MBTPS1: variants seen among roughly 807,000 people sequenced by gnomAD.
The protein encoded by MBTPS1 is membrane bound transcription factor peptidase, site 1.
Under a neutral mutation model 127.8 loss-of-function variants are expected in MBTPS1, and 94 were observed. The observed-to-expected ratio is 0.74, with a 90% CI of 0.62 to 0.87. The LOEUF is 0.87. MBTPS1 is among the 40% of genes least tolerant of loss of function. MBTPS1 has a pLI of 0.00. For missense variants in MBTPS1, 1,636 were observed against 1,353.2 expected, an observed-to-expected ratio of 1.21 and a Z score of -3.28; for synonymous variants, 632 against 509.4, an observed-to-expected ratio of 1.24 and a Z score of -3.24.
chr16:84,093,972 C>T, intron 4 of MBTPS1, 151 bp from the exon 5 acceptor site: 1 of 641,486 alleles, frequency 1.6e-6, no homozygotes, highest in East Asian at 2.8e-5. Flanking sequence ...AGGTCAGCTG[C>T]TCCCAGGGTC....
At position 84,091,460 on chromosome 16, in the gene MBTPS1, T is replaced by G. The variant is rs1220919348; in HGVS notation, c.963+272A>C. 6.2e-5 allele frequency among the ~76,000 whole-genome samples: 8 copies of G among 128,494 alleles called. No individual in the cohort carries two copies. The East Asian group carries it at 1.8e-3, about 28-fold the overall frequency. The allele number at this position is 128,494 out of a possible 152,430, so 84.3% of individuals were successfully genotyped here. A position where few individuals can be genotyped will look rare whatever the true frequency, so the allele number is the denominator to read the frequency against. On this transcript the variant is annotated intron_variant, in intron 7 of 22. Transcript: ENST00000343411. ...AAGACTGTGCCATTGTACTCCAGCC[T>G]GGCCAACAAGAATAAAACTCCATCT...
intron 8 of MBTPS1, among the ~76,000 whole-genome samples, chr16:84,089,617 T>C (rs1366358757): frequency 1.3e-5 from 2 of 152,210 alleles, no homozygotes; most frequent in South Asian, 2.1e-4. Flanking sequence ...TTCAGTCTCA[T>C]AGGTACTCTG....
In MBTPS1 at chr16:84,095,731, T is replaced by C. The variant is rs759404753; in HGVS notation, c.496A>G (p.Ser166Gly). 1 of 1,614,230 alleles carries C rather than the reference T, an allele frequency of 6.2e-7. No homozygotes were observed. Among genetic ancestry groups the C allele is most frequent in the East Asian group, 2.2e-5 (1 of 44,890 alleles). The change falls in exon 4 of 23, where the codon AGC (serine) becomes GGC (glycine). Residue 166 changes from serine to glycine, a missense_variant. Ser to Gly is a moderately conservative substitution (Grantham distance 56). Transcript: ENST00000343411. ...WQSSRPLRRA[S>G]LSLGSGFWHA... ...CAGAAGCCAGAGCCCAGGGAGAGGC[T>C]GGCTCTTCGCAGGGGACGTGATGAT...
Position 84,114,557 on chromosome 16 carries a change from G to A in MBTPS1, c.-325+2178C>T, listed in dbSNP as rs79570754. On this transcript the variant is annotated intron_variant, in intron 1 of 22. Coordinates refer to ENST00000343411, the MANE Select transcript of MBTPS1 (RefSeq NM_003791.4). ...TTAAAATGCCTTTCCTCAGCTGGGCGCGGTAGCTCACGCCTGTAATCCCAG... is the reference window on the plus strand; with the variant it reads ...TTAAAATGCCTTTCCTCAGCTGGGCACGGTAGCTCACGCCTGTAATCCCAG... Among the ~76,000 whole-genome samples, 4 of 151,988 alleles carry A rather than the reference G, an allele frequency of 2.6e-5. No homozygotes were observed. In the East Asian group the frequency reaches 8.0e-4, roughly 30 times the overall value.
intron 12 of MBTPS1, 97 bp downstream of exon 12, chr16:84,074,500 C>T (rs942075317): frequency 6.8e-6 from 9 of 1,324,218 alleles, no homozygotes; most frequent in African/African-American, 4.4e-5. Flanking sequence ...TAGAACTTTT[C>T]CTTTTTTAAC....
chr16:84,065,792 G>C (rs367787565), intron 17 of MBTPS1, 25 bp from the exon 18 acceptor site: 2 of 1,452,962 alleles, frequency 1.4e-6, no homozygotes, highest in African/African-American at 2.9e-5. Context: ...TCAAAGTCAA[G>C]GGAACACAGG....
At chr16:84,059,004 C>T (rs967288360) in intron 21 of MBTPS1, among the ~76,000 whole-genome samples, 1 of 152,234 alleles carries the variant, frequency 6.6e-6, no homozygotes, top group Non-Finnish European at 1.5e-5. Context: ...ACTCCCCAAC[C>T]ACAGGACTTA....
intron 20 of MBTPS1, 151 bp downstream of exon 20, chr16:84,060,531 G>A (rs191404243): frequency 7.0e-5 from 56 of 803,112 alleles, no homozygotes; most frequent in Non-Finnish European, 1.1e-4. Flanking sequence ...TAGAGCCGCT[G>A]AGTGCTGCTC....
chr16:84,081,645 G>C, intron 11 of MBTPS1, 102 bp downstream of exon 11: 1 of 941,282 alleles, frequency 1.1e-6, no homozygotes, highest in African/African-American at 1.7e-5. Flanking sequence ...TCTGTGCTTA[G>C]TCATCATTTT....
At chr16:84,071,605 A>T (rs2085770362) in intron 12 of MBTPS1, among the ~76,000 whole-genome samples, 1 of 152,216 alleles carries the variant, frequency 6.6e-6, no homozygotes, top group African/African-American at 2.4e-5. Flanking sequence ...TGAAACAATT[A>T]AATATTTAAC....
At chr16:84,080,662 G>A (rs990571042) in intron 11 of MBTPS1, among the ~76,000 whole-genome samples, 12 of 152,230 alleles carry the variant, frequency 7.9e-5, no homozygotes, top group African/African-American at 2.9e-4. Flanking sequence ...GCCCATTCTG[G>A]GGGGACACAG....
chr16:84,070,736 A>G lies in MBTPS1; in HGVS notation c.1634T>C (p.Ile545Thr), dbSNP rs774482473. 17 of 1,613,976 alleles carry G rather than the reference A, an allele frequency of 1.1e-5. No homozygotes were observed. Among genetic ancestry groups the G allele is most frequent in the South Asian group, 8.8e-5 (8 of 91,076 alleles). ...CGAGGAGTAGGAGAAGGCAACTTCA[A>G]TGTTGTCTCCGTTCTGTGGCAAATA... ...QPYLPQNGDN[I>T]EVAFSYSSVL... is the part of the protein sequence containing the mutation. Residue 545 changes from isoleucine (I) to threonine (T), a missense_variant, in exon 13 of 23, where the codon ATT becomes ACT. Coordinates refer to ENST00000343411, the MANE Select transcript of MBTPS1 (RefSeq NM_003791.4).
chr16:84,105,464 G>A (rs572793072), intron 1 of MBTPS1, among the ~76,000 whole-genome samples: 1 of 152,274 alleles, frequency 6.6e-6, no homozygotes, highest in Admixed American at 6.5e-5. Context: ...GCTGTGAAGA[G>A]GCGGCTTCTG....
chr16:84,091,486 CA>C (rs10714716), intron 7 of MBTPS1, among the ~76,000 whole-genome samples: 48,359 of 85,588 alleles, frequency 0.57, 11,904 homozygotes, highest in East Asian at 0.71. Flanking sequence ...AACTCCATCT[CA>C]AAAAAAAAAA....
intron 1 of MBTPS1, among the ~76,000 whole-genome samples, chr16:84,106,606 CCA>C (rs950842775): frequency 2.6e-5 from 4 of 152,122 alleles, no homozygotes; most frequent in African/African-American, 9.7e-5. Context: ...GGGAGACAGC[CCA>C]GGGAAGGCCT....
intron 22 of MBTPS1, among the ~76,000 whole-genome samples, chr16:84,055,688 T>G (rs1000509059): frequency 3.3e-5 from 5 of 152,218 alleles, no homozygotes; most frequent in African/African-American, 7.2e-5. Flanking sequence ...CGTTAATAGG[T>G]GGCTGGCAGA....
At chr16:84,065,562 TG>T (rs1317224847) in intron 18 of MBTPS1, 127 bp downstream of exon 18, 2 of 695,126 alleles carry the variant, frequency 2.9e-6, no homozygotes, top group Non-Finnish European at 5.1e-6. Context: ...GCAACTGTTA[TG>T]GTATGTAAAT....
intron 22 of MBTPS1, among the ~76,000 whole-genome samples, chr16:84,055,710 G>A (rs1461530251): frequency 1.3e-5 from 2 of 152,266 alleles, no homozygotes; most frequent in Admixed American, 6.5e-5. Context: ...CTTTCATAAA[G>A]AGCGTGCAAG....
chr16:84,101,082 C>A (rs529767197), intron 2 of MBTPS1, among the ~76,000 whole-genome samples: 1 of 151,476 alleles, frequency 6.6e-6, no homozygotes, highest in Non-Finnish European at 1.5e-5. Flanking sequence ...AGGCGGATCA[C>A]GAGGTCAGGA....
Sources: gnomAD v4.1 joint callset for allele counts (sites outside exome capture counted in the v4.1 genomes callset) on GRCh38, gnomAD v4.1.1 for gene constraint, MANE v1.5 for transcripts, NCBI Gene and HGNC (gene_info 2026-07-23, HGNC 2026-07-21) for gene names.